The following CADPS2 variants were observed in gnomAD, a reference collection of about 807,000 sequenced individuals.
CADPS2 encodes calcium-dependent secretion activator 2.
Under a neutral mutation model 172.5 loss-of-function variants are expected in CADPS2, and 93 were observed. The observed-to-expected ratio is 0.54, with a 90% CI of 0.46 to 0.64. The LOEUF is 0.64. Among genes scored for constraint, CADPS2 ranks in the 30% least tolerant of loss-of-function variants. The pLI, the probability that CADPS2 is intolerant of heterozygous loss-of-function variation, is 0.00. For missense variants in CADPS2, 1,420 were observed against 1,565.9 expected, an observed-to-expected ratio of 0.91 and a Z score of 1.57; for synonymous variants, 546 against 555.2, an observed-to-expected ratio of 0.98 and a Z score of 0.23.
At chr7:122,578,397 G>A (rs1048936265) in intron 7 of CADPS2, among the ~76,000 whole-genome samples, 2 of 152,098 alleles carry the variant, frequency 1.3e-5, no homozygotes, top group Non-Finnish European at 2.9e-5. Context: ...ACGGTGTAAG[G>A]AAAGAATGAC....
intron 9 of CADPS2, among the ~76,000 whole-genome samples, chr7:122,503,227 G>A (rs1262624406): frequency 6.6e-6 from 1 of 151,814 alleles, no homozygotes; most frequent in Non-Finnish European, 1.5e-5. Context: ...GTAGAGATGG[G>A]GTTTCGCCAT....
At chr7:122,688,804 T>C (rs895921522) in intron 2 of CADPS2, among the ~76,000 whole-genome samples, 2 of 152,056 alleles carry the variant, frequency 1.3e-5, no homozygotes, top group African/African-American at 4.8e-5. Flanking sequence ...ACTCGCTGAG[T>C]CACTCAGCCT....
chr7:122,641,194 A>G (rs2077604398), intron 3 of CADPS2, among the ~76,000 whole-genome samples: 1 of 152,152 alleles, frequency 6.6e-6, no homozygotes, highest in African/African-American at 2.4e-5. Flanking sequence ...GTCTTTTTAA[A>G]AGGGCCGTTA....
intron 5 of CADPS2, among the ~76,000 whole-genome samples, chr7:122,617,789 A>ATT: frequency 6.6e-6 from 1 of 152,228 alleles, no homozygotes; most frequent in Non-Finnish European, 1.5e-5. Flanking sequence ...CACGCCTGTA[A>ATT]TCTCAGCACT....
intron 17 of CADPS2, among the ~76,000 whole-genome samples, chr7:122,437,418 C>T (rs1308501709): frequency 6.6e-6 from 1 of 152,022 alleles, no homozygotes; most frequent in African/African-American, 2.4e-5. Flanking sequence ...ATCTTTTTCC[C>T]TACCTGAATT....
chr7:122,637,171 C>CTT (rs71161313), intron 3 of CADPS2, among the ~76,000 whole-genome samples: 2 of 53,902 alleles, frequency 3.7e-5, no homozygotes, highest in African/African-American at 7.3e-5. Context: ...TGAAATTTTG[C>CTT]TTTTTTTTTT....
chr7:122,447,031 CTTTTTTTT>C (rs71530096), intron 15 of CADPS2, among the ~76,000 whole-genome samples: 97 of 78,384 alleles, frequency 1.2e-3, no homozygotes, highest in East Asian at 6.0e-3. Flanking sequence ...GTAGCTCCCT[CTTTTTTTT>C]TTTTTTTTTT....
chr7:122,731,418 A>G (rs932692247), intron 2 of CADPS2, among the ~76,000 whole-genome samples: 2 of 151,810 alleles, frequency 1.3e-5, no homozygotes, highest in Admixed American at 6.6e-5. Context: ...GTCATTTGTT[A>G]TATTTGGATA....
intron 29 of CADPS2, among the ~76,000 whole-genome samples, chr7:122,324,944 T>G (rs2150726089): frequency 6.6e-6 from 1 of 152,286 alleles, no homozygotes; most frequent in South Asian, 2.1e-4. Flanking sequence ...TTATGTGATG[T>G]CTATGTCAGT....
At chr7:122,845,554 G>A (rs1563162159) in intron 1 of CADPS2, among the ~76,000 whole-genome samples, 2 of 152,160 alleles carry the variant, frequency 1.3e-5, no homozygotes, top group African/African-American at 4.8e-5. Context: ...TCTTTCTTGA[G>A]TGGCACTGCC....
chr7:122,462,302 C>G (rs2054552955), intron 14 of CADPS2, among the ~76,000 whole-genome samples: 1 of 151,652 alleles, frequency 6.6e-6, no homozygotes, highest in Non-Finnish European at 1.5e-5. Context: ...TAGCATAAGA[C>G]TTTAAAATTT....
chr7:122,676,415 G>A (rs1174961087), intron 2 of CADPS2, among the ~76,000 whole-genome samples: 1 of 152,150 alleles, frequency 6.6e-6, no homozygotes, highest in Non-Finnish European at 1.5e-5. Context: ...CCAAATGTTT[G>A]TCTTTAAAGT....
At chr7:122,677,411 G>A (rs2082494520) in intron 2 of CADPS2, among the ~76,000 whole-genome samples, 1 of 152,188 alleles carries the variant, frequency 6.6e-6, no homozygotes, top group Non-Finnish European at 1.5e-5. Context: ...GCAGTGAAGG[G>A]CCTGAGAGTA....
chr7:122,468,028 C>T (rs2055392673), intron 14 of CADPS2, among the ~76,000 whole-genome samples: 1 of 152,068 alleles, frequency 6.6e-6, no homozygotes, highest in Non-Finnish European at 1.5e-5. Flanking sequence ...TCTTTTATTT[C>T]TGAAACACTC....
intron 7 of CADPS2, among the ~76,000 whole-genome samples, chr7:122,561,215 A>G (rs902253762): frequency 6.6e-6 from 1 of 152,138 alleles, no homozygotes; most frequent in African/African-American, 2.4e-5. Context: ...TTTTATTTTC[A>G]AAGCTGGAAA....
chr7:122,816,237 C>A (rs977961193), intron 1 of CADPS2, among the ~76,000 whole-genome samples: 6 of 141,304 alleles, frequency 4.2e-5, no homozygotes, highest in Non-Finnish European at 6.2e-5. Flanking sequence ...TCTATCTCCA[C>A]GAGATCAATT....
At chr7:122,570,087 G>C (rs576295210) in intron 7 of CADPS2, among the ~76,000 whole-genome samples, 2,179 of 150,012 alleles carry the variant, frequency 0.015, 57 homozygotes, top group African/African-American at 0.051. Flanking sequence ...CCATCAGAGT[G>C]AACAGGCAAC....
At chr7:122,860,660 A>G (rs1248648844) in intron 1 of CADPS2, among the ~76,000 whole-genome samples, 1 of 152,218 alleles carries the variant, frequency 6.6e-6, no homozygotes, top group Non-Finnish European at 1.5e-5. Context: ...CCACTCTACT[A>G]TGCAATAGAA....
At chr7:122,474,611 CAGA>C in intron 12 of CADPS2, 94 bp from the exon 13 acceptor site, 1 of 1,121,666 alleles carries the variant, frequency 8.9e-7, no homozygotes, top group Non-Finnish European at 1.3e-6. Context: ...GTGACTCAAG[CAGA>C]AGACTACCTT....
Sources: gnomAD v4.1 joint callset for allele counts (sites outside exome capture counted in the v4.1 genomes callset) on GRCh38, gnomAD v4.1.1 for gene constraint, MANE v1.5 for transcripts, NCBI Gene and HGNC (gene_info 2026-07-23, HGNC 2026-07-21) for gene names.